RALYL: variants seen among roughly 807,000 people sequenced by gnomAD.
RALYL encodes RALY RNA binding protein like, also known as RNA-binding Raly-like protein.
RALYL carries 29 observed loss-of-function variants against 35.1 expected under a neutral mutation model. That is an observed-to-expected ratio of 0.83 (90% confidence interval 0.61 to 1.13). The LOEUF (loss-of-function observed/expected upper bound fraction) is 1.13, where lower values mean the gene tolerates loss of function less well. Ranked by LOEUF, RALYL falls within the 50% of genes most tolerant of loss-of-function variation. The pLI, the probability that RALYL is intolerant of heterozygous loss-of-function variation, is 0.00. For synonymous variants in RALYL, 120 were observed against 127.6 expected (o/e 0.94, Z 0.40); for missense variants, 359 against 360.4 (o/e 1.00, Z 0.03).
At chr8:84,893,547 C>T (rs1844229270) in intron 8 of RALYL, among the ~76,000 whole-genome samples, 2 of 152,150 alleles carry the variant, frequency 1.3e-5, no homozygotes, top group African/African-American at 4.8e-5. Context: ...TGAGAAAAGG[C>T]TTCTGTGAAC....
intron 2 of RALYL, among the ~76,000 whole-genome samples, chr8:84,617,635 T>A (rs1257537716): frequency 6.7e-6 from 1 of 148,928 alleles, no homozygotes; most frequent in Non-Finnish European, 1.5e-5. Flanking sequence ...CTATGTTGAA[T>A]AGGAGTGGTG....
At chr8:84,223,003 A>T (rs1433289374) in intron 1 of RALYL, among the ~76,000 whole-genome samples, 1 of 152,040 alleles carries the variant, frequency 6.6e-6, no homozygotes, top group Non-Finnish European at 1.5e-5. Flanking sequence ...TGTCTTCAGA[A>T]TTTAAGTGGG....
chr8:84,400,555 T>C (rs1391394889), intron 1 of RALYL, among the ~76,000 whole-genome samples: 1 of 152,168 alleles, frequency 6.6e-6, no homozygotes, highest in East Asian at 1.9e-4. Context: ...CTTATTGCCA[T>C]GAATATGAGA....
At position 84,211,236 on chromosome 8, in the gene RALYL, G is replaced by A. The variant is rs566211861; in HGVS notation, c.-24+26812G>A. ...GACCTCTTTCTTGCATACCTTTCTC[G>A]TACATCATCATAACTCCTACCACAA... On this transcript the variant is annotated intron_variant, in intron 1 of 8. Coordinates refer to ENST00000521268, the MANE Select transcript of RALYL (RefSeq NM_173848.7). 1.2e-4 allele frequency among the ~76,000 whole-genome samples: 18 copies of A among 152,048 alleles called. No homozygotes were observed. In the East Asian group the frequency reaches 3.1e-3, roughly 26 times the overall value.
chr8:84,605,406 A>T (rs1046372380), intron 2 of RALYL, among the ~76,000 whole-genome samples: 11 of 152,122 alleles, frequency 7.2e-5, no homozygotes, highest in Admixed American at 7.2e-4. Context: ...CCTTTGTGGT[A>T]GGTACTGTCA....
At chr8:84,598,461 T>C (rs1023188599) in intron 2 of RALYL, among the ~76,000 whole-genome samples, 1 of 152,150 alleles carries the variant, frequency 6.6e-6, no homozygotes, top group Admixed American at 6.5e-5. Flanking sequence ...TTGTCCTACA[T>C]ACCACATTAT....
rs958575737 is a variant in RALYL at position 84,510,738 on chromosome 8, A to G, written c.-23-18561A>G. ...GGCAGGAGAATTGCTTGAACCTGGG[A>G]GGTGGAGGTTGCGGTGAGCTGAGAT... On this transcript the variant is annotated intron_variant, in intron 1 of 8. Transcript: ENST00000521268. Among the ~76,000 whole-genome samples the G allele has an allele frequency of 3.3e-5, 5 of 152,026 alleles. No homozygotes were observed. In the East Asian group the frequency reaches 9.7e-4, roughly 29 times the overall value.
chr8:84,908,550 G>A (rs1846926626), intron 8 of RALYL, among the ~76,000 whole-genome samples: 1 of 152,086 alleles, frequency 6.6e-6, no homozygotes. Context: ...TCTTAAGGCT[G>A]AATAGTATTC....
chr8:84,730,938 TAAGA>T (rs1168934093), intron 2 of RALYL, among the ~76,000 whole-genome samples: 3 of 151,346 alleles, frequency 2.0e-5, no homozygotes, highest in Admixed American at 6.6e-5. Context: ...GGTTAGTGAA[TAAGA>T]AAGAGGAGGA....
intron 3 of RALYL, among the ~76,000 whole-genome samples, chr8:84,780,201 G>T (rs1360389635): frequency 2.0e-5 from 3 of 152,040 alleles, no homozygotes; most frequent in Non-Finnish European, 4.4e-5. Context: ...GTGAGGAGGA[G>T]AGGGAAATAT....
intron 1 of RALYL, among the ~76,000 whole-genome samples, chr8:84,304,082 AC>A (rs1417605572): frequency 1.3e-5 from 2 of 151,614 alleles, no homozygotes; most frequent in Admixed American, 1.3e-4. Flanking sequence ...AAAATATAAA[AC>A]TCATATTTCA....
intron 1 of RALYL, among the ~76,000 whole-genome samples, chr8:84,209,201 G>T (rs1319395231): frequency 6.6e-6 from 1 of 151,046 alleles, no homozygotes; most frequent in African/African-American, 2.4e-5. Flanking sequence ...TTTTTAGGAG[G>T]TATTGTCTTG....
At chr8:84,920,619 C>G (rs3937521) in intron 8 of RALYL, among the ~76,000 whole-genome samples, 2 of 151,756 alleles carry the variant, frequency 1.3e-5, no homozygotes, top group African/African-American at 4.8e-5. Context: ...TTGACTTGGA[C>G]AAGAGCTCAG....
rs889386026 is a variant in RALYL at position 84,367,010 on chromosome 8, C to T, written c.-23-162289C>T. Among the ~76,000 whole-genome samples the T allele has an allele frequency of 2.0e-5, 3 of 151,722 alleles. No individual in the cohort carries two copies. In the East Asian group the frequency reaches 5.8e-4, roughly 29 times the overall value. On this transcript the variant is annotated intron_variant, in intron 1 of 8. Coordinates refer to ENST00000521268, the MANE Select transcript of RALYL (RefSeq NM_173848.7). ...AAGACAGATGAGAGGACAAACTGTA[C>T]CGTGGTGTTCGGGGAAAAAAAACAC... is the stretch of plus-strand genomic sequence containing the variant.
intron 1 of RALYL, among the ~76,000 whole-genome samples, chr8:84,187,656 G>T (rs1433332797): frequency 1.3e-5 from 2 of 151,988 alleles, no homozygotes; most frequent in Non-Finnish European, 2.9e-5. Flanking sequence ...ACAAATAAAT[G>T]ATGCCTTAAG....
chr8:84,243,120 C>A (rs1184044908), intron 1 of RALYL, among the ~76,000 whole-genome samples: 1 of 151,816 alleles, frequency 6.6e-6, no homozygotes, highest in Non-Finnish European at 1.5e-5. Flanking sequence ...TGCTGAAGAT[C>A]AGATGGTTTA....
intron 1 of RALYL, among the ~76,000 whole-genome samples, chr8:84,388,100 T>A (rs1389075110): frequency 1.3e-5 from 2 of 152,082 alleles, no homozygotes; most frequent in African/African-American, 4.8e-5. Flanking sequence ...GTGTTTGGTT[T>A]TTTGTTCTTG....
chr8:84,670,539 T>C (rs1833003702), intron 2 of RALYL, among the ~76,000 whole-genome samples: 1 of 151,784 alleles, frequency 6.6e-6, no homozygotes, highest in Non-Finnish European at 1.5e-5. Flanking sequence ...GAAAAAGAGG[T>C]TTAATGGACT....
At chr8:84,595,148 G>A (rs1212240148) in intron 2 of RALYL, among the ~76,000 whole-genome samples, 4 of 152,098 alleles carry the variant, frequency 2.6e-5, no homozygotes, top group African/African-American at 9.7e-5. Flanking sequence ...AAAAAGGTGG[G>A]CACGGGGCAG....
Sources: allele counts gnomAD v4.1 joint callset (sites outside exome capture counted in the v4.1 genomes callset), GRCh38; gene constraint gnomAD v4.1.1; transcripts MANE v1.5; gene names NCBI Gene and HGNC (gene_info 2026-07-23, HGNC 2026-07-21).